Variants in UGT1A10 observed in about 807,000 individuals in gnomAD.
The protein encoded by UGT1A10 is UDP glucuronosyltransferase family 1 member A10, also known as UDP-glucuronosyltransferase 1A10.
A neutral mutation model predicts 45.8 loss-of-function variants in UGT1A10; 49 were observed. The ratio of observed to expected loss-of-function variants is 1.07; its 90% CI spans 0.85 to 1.36. UGT1A10 has a LOEUF of 1.36. Among genes scored for constraint, UGT1A10 ranks in the 40% most tolerant of loss-of-function variants. UGT1A10 has a pLI of 0.00. For synonymous variants in UGT1A10, 284 were observed against 249.7 expected (o/e 1.14, Z -1.29); for missense variants, 745 against 668.6 (o/e 1.11, Z -1.26).
At chr2:233,673,715 C>T (rs2074264100) in intron 1 of UGT1A10, among the ~76,000 whole-genome samples, 1 of 152,100 alleles carries the variant, frequency 6.6e-6, no homozygotes. Context: ...CTATTGGGTA[C>T]AGGACAATTT....
At chr2:233,745,089 C>G (rs542765504) in intron 1 of UGT1A10, among the ~76,000 whole-genome samples, 1 of 151,738 alleles carries the variant, frequency 6.6e-6, no homozygotes, top group Admixed American at 6.5e-5. Flanking sequence ...ATTGCTCTTC[C>G]CCCCAAATAT....
At chr2:233,699,067 C>G (rs918094960) in intron 1 of UGT1A10, among the ~76,000 whole-genome samples, 1 of 152,220 alleles carries the variant, frequency 6.6e-6, no homozygotes, top group African/African-American at 2.4e-5. Flanking sequence ...CCAGCCCTGC[C>G]CAGGGCCTTC....
intron 1 of UGT1A10, chr2:233,718,024 G>A (rs566004281): frequency 1.0e-5 from 4 of 386,248 alleles, no homozygotes; most frequent in South Asian, 1.9e-5. Context: ...CAGCTCCCCA[G>A]GTCCTTTGGT....
chr2:233,720,496 G>A (rs780049805), intron 1 of UGT1A10, among the ~76,000 whole-genome samples: 30 of 152,218 alleles, frequency 2.0e-4, no homozygotes, highest in Middle Eastern at 3.4e-3. Context: ...GAAGGGAAGT[G>A]TTTCTCAGGT....
rs1183097052 is a variant in UGT1A10, at chr2:233,768,306, A to G, written c.1162A>G (p.Met388Val). Residue 388 changes from methionine to valine, a missense_variant, in exon 4 of 5, where the codon ATG (methionine) becomes GTG (valine). Met to Val is a conservative substitution (Grantham distance 21, BLOSUM62 1). Coordinates refer to ENST00000344644, the MANE Select transcript of UGT1A10 (RefSeq NM_019075.4). ...ATGCAATGGCGTTCCCATGGTGATG[A>G]TGCCCTTGTTTGGTGATCAGATGGA... ...SICNGVPMVM[M>V]PLFGDQMDNA... 6.2e-7 allele frequency: 1 copy of G among 1,614,086 alleles called. No homozygotes were observed. The highest frequency in any genetic ancestry group is 1.7e-5 in the Admixed American group (1 of 60,000).
intron 1 of UGT1A10, chr2:233,761,293 G>T (rs1697736724): frequency 6.6e-7 from 1 of 1,522,496 alleles, no homozygotes; most frequent in African/African-American, 1.4e-5. Context: ...TTGACTCCTA[G>T]GTTTGAGTCT....
At chr2:233,677,972 T>C (rs140519008) in intron 1 of UGT1A10, among the ~76,000 whole-genome samples, 4 of 152,214 alleles carry the variant, frequency 2.6e-5, no homozygotes, top group Non-Finnish European at 1.5e-5. Context: ...ACATACTCCA[T>C]GGAATATGCA....
intron 1 of UGT1A10, among the ~76,000 whole-genome samples, chr2:233,724,119 G>A (rs1327289956): frequency 1.4e-4 from 15 of 110,060 alleles, no homozygotes; most frequent in South Asian, 3.2e-4. Context: ...GGGCAGAGGC[G>A]CCCCTCACCT....
rs112908387 is a variant in UGT1A10, at chr2:233,772,904, C to T, written c.*345C>T. On this transcript the variant is annotated 3_prime_UTR_variant, in exon 5 of 5. Transcript: ENST00000344644. ...GATTCAAAGGTGGTCCCACGGCTGCCCCTACTGCAAATGGCAGTTTTAATC... is the reference window on the plus strand; with the variant it reads ...GATTCAAAGGTGGTCCCACGGCTGCTCCTACTGCAAATGGCAGTTTTAATC... 5 of 414,970 alleles carry T rather than the reference C, an allele frequency of 1.2e-5. No individual in the cohort carries two copies. The highest frequency in any genetic ancestry group is 6.1e-5 in the African/African-American group (3 of 48,900). 25.7% of individuals were successfully genotyped at this position (414,970 alleles called of 1,614,324 possible).
intron 1 of UGT1A10, chr2:233,761,214 TTAAC>T (rs747537928): frequency 1.9e-6 from 3 of 1,613,728 alleles, no homozygotes; most frequent in Non-Finnish European, 2.5e-6. Context: ...TTTGGATCGA[TTAAC>T]TAGCCCCAGA....
intron 1 of UGT1A10, among the ~76,000 whole-genome samples, chr2:233,749,208 CA>C (rs1559394087): frequency 6.6e-6 from 1 of 151,746 alleles, no homozygotes; most frequent in Non-Finnish European, 1.5e-5. Flanking sequence ...GTATTATTGC[CA>C]AACACTCTAA....
intron 1 of UGT1A10, among the ~76,000 whole-genome samples, chr2:233,751,474 G>T (rs1469099593): frequency 6.6e-6 from 1 of 152,210 alleles, no homozygotes; most frequent in South Asian, 2.1e-4. Context: ...GATTGGTTTT[G>T]AAATGTGAAA....
chr2:233,725,057 C>T (rs1209231794), intron 1 of UGT1A10, among the ~76,000 whole-genome samples: 5 of 147,514 alleles, frequency 3.4e-5, no homozygotes, highest in East Asian at 4.2e-4. Flanking sequence ...CGTGGCGGCG[C>T]GCGCCTGCAA....
intron 1 of UGT1A10, among the ~76,000 whole-genome samples, chr2:233,727,254 C>A (rs2077597251): frequency 6.6e-6 from 1 of 152,146 alleles, no homozygotes; most frequent in Admixed American, 6.5e-5. Flanking sequence ...CTGTGCAGCC[C>A]AGACCCCTCC....
At chr2:233,760,473 T>C (rs2125984600) in intron 1 of UGT1A10, 2 of 1,614,230 alleles carry the variant, frequency 1.2e-6, no homozygotes, top group Non-Finnish European at 1.7e-6. Flanking sequence ...TCCTAGCACC[T>C]GACGCCTCGT....
intron 1 of UGT1A10, among the ~76,000 whole-genome samples, chr2:233,669,359 G>A (rs2125498176): frequency 6.6e-6 from 1 of 152,106 alleles, no homozygotes; most frequent in South Asian, 2.1e-4. Flanking sequence ...AAGATAGCCT[G>A]CTGGAATTTA....
Position 233,648,261 on chromosome 2 carries a change from T to A in UGT1A10, c.855+10884T>A, listed in dbSNP as rs564142263. ...AATACTTAAAGGAGAGTTCTTTTGA[T>A]GCGGTGTTTCTGGATCCTTTAGATA... On this transcript the variant is annotated intron_variant, in intron 1 of 4. Transcript: ENST00000344644. The A allele has an allele frequency of 2.4e-5, 15 of 627,440 alleles. No homozygotes were observed. In the African/African-American group the frequency reaches 2.4e-4, roughly 10 times the overall value. The allele number at this position is 627,440 out of a possible 1,614,324, so 38.9% of individuals were successfully genotyped here.
At chr2:233,738,051 A>T (rs1690672255) in intron 1 of UGT1A10, among the ~76,000 whole-genome samples, 1 of 152,154 alleles carries the variant, frequency 6.6e-6, no homozygotes, top group Admixed American at 6.5e-5. Context: ...TGAGGACAGG[A>T]CATGGTGGGA....
chr2:233,645,862 C>T (rs1009102336), intron 1 of UGT1A10, among the ~76,000 whole-genome samples: 1 of 152,140 alleles, frequency 6.6e-6, no homozygotes, highest in Non-Finnish European at 1.5e-5. Context: ...GGGATGGTGG[C>T]CCTCTTCTCA....
Sources: allele counts gnomAD v4.1 joint callset (sites outside exome capture counted in the v4.1 genomes callset), GRCh38; gene constraint gnomAD v4.1.1; transcripts MANE v1.5; gene names NCBI Gene and HGNC (gene_info 2026-07-23, HGNC 2026-07-21).